Variants in RAG1 observed in about 807,000 individuals in gnomAD.
RAG1 encodes recombination activating 1.
RAG1 carries 35 observed loss-of-function variants against 62.7 expected under a neutral mutation model. The ratio of observed to expected loss-of-function variants is 0.56; its 90% CI spans 0.43 to 0.74. RAG1 has a LOEUF of 0.74. Among genes scored for constraint, RAG1 ranks in the 30% least tolerant of loss-of-function variants. RAG1 has a pLI of 0.00. For missense variants in RAG1, 1,169 were observed against 1,278.6 expected (o/e 0.91, Z 1.31); for synonymous variants, 461 against 470.3 (o/e 0.98, Z 0.26).
chr11:36,534,605 C>G (rs1248828444), intron 2 of RAG1, among the ~76,000 whole-genome samples: 2 of 152,164 alleles, frequency 1.3e-5, no homozygotes, highest in African/African-American at 4.8e-5. Context: ...GAAGGCCAAT[C>G]TAGAATCAAG....
chr11:36,559,157 G>A (rs926098754), intron 3 of RAG1, among the ~76,000 whole-genome samples: 3 of 152,012 alleles, frequency 2.0e-5, no homozygotes, highest in African/African-American at 7.2e-5. Context: ...TTAGCACTTT[G>A]ACTATATTAT....
intron 3 of RAG1, among the ~76,000 whole-genome samples, chr11:36,557,841 T>A (rs1173894174): frequency 6.6e-6 from 1 of 152,222 alleles, no homozygotes; most frequent in Non-Finnish European, 1.5e-5. Context: ...GCATTTTGTC[T>A]TTTTAATATG....
chr11:36,528,073 A>T (rs1860193013), intron 2 of RAG1, among the ~76,000 whole-genome samples: 1 of 152,116 alleles, frequency 6.6e-6, no homozygotes, highest in Non-Finnish European at 1.5e-5. Context: ...CACTGTCAAT[A>T]TTAGACAGAT....
intron 3 of RAG1, among the ~76,000 whole-genome samples, chr11:36,551,556 T>C (rs114789030): frequency 0.013 from 1,915 of 152,080 alleles, 34 homozygotes; most frequent in African/African-American, 0.044. Context: ...ACCAGTCATA[T>C]TGAATTAGGG....
At chr11:36,565,964 T>G (rs1564985906), upstream of RAG1, 1 of 152,360 alleles carries the variant, frequency 6.6e-6, no homozygotes, top group South Asian at 2.1e-4. Context: ...TTGTTATGTC[T>G]CATTTAAAAT....
upstream of RAG1, among the ~76,000 whole-genome samples, chr11:36,564,929 A>T (rs541518889): frequency 6.6e-6 from 1 of 152,110 alleles, no homozygotes; most frequent in Non-Finnish European, 1.5e-5. Flanking sequence ...AGTGTAGTGG[A>T]AAGAACGTTG....
rs759876731 is a variant in RAG1 at position 36,575,855 on chromosome 11, A to C, written c.2551A>C (p.Arg851=). Residue 851 remains arginine (R), a synonymous_variant, in exon 2 of 2, where the codon AGG becomes CGG. Transcript: ENST00000299440. The surrounding 1 kb of genome is among the most constrained non-coding windows in gnomAD (Gnocchi z 4.1). ...GAAGATGAACCTCAAACCAATCATG[A>C]GGATGAATGGCAACTTTGCCAGGAA... ...RKKMNLKPIM[R]MNGNFARKLM... The C allele has an allele frequency of 1.5e-5, 25 of 1,614,230 alleles. 1 individual carries two copies. The highest frequency in any genetic ancestry group is 3.3e-4 in the Middle Eastern group (2 of 6,062).
intron 3 of RAG1, among the ~76,000 whole-genome samples, chr11:36,548,983 T>A (rs71451204): frequency 6.6e-6 from 1 of 152,110 alleles, no homozygotes; most frequent in African/African-American, 2.4e-5. Context: ...TCTGCAACCA[T>A]CTGATCTTTG....
At chr11:36,510,404 G>T (rs1859899638), upstream of RAG1, 1 of 152,594 alleles carries the variant, frequency 6.6e-6, no homozygotes, top group African/African-American at 2.4e-5. Flanking sequence ...CAGCCCCGCA[G>T]CCTGGCTTTC....
At chr11:36,567,675 A>T (rs951121791), upstream of RAG1, among the ~76,000 whole-genome samples, 1 of 152,250 alleles carries the variant, frequency 6.6e-6, no homozygotes, top group African/African-American at 2.4e-5. Flanking sequence ...TCTTTGAGGT[A>T]TATACTACTA....
At chr11:36,513,751 G>A (rs533136158) in intron 1 of RAG1, among the ~76,000 whole-genome samples, 33 of 152,364 alleles carry the variant, frequency 2.2e-4, no homozygotes, top group Middle Eastern at 3.4e-3. Context: ...AGACAAGAGA[G>A]AGAATGAGAT....
chr11:36,520,392 C>T (rs1033092739), intron 2 of RAG1, among the ~76,000 whole-genome samples: 25 of 152,152 alleles, frequency 1.6e-4, no homozygotes, highest in African/African-American at 5.8e-4. Flanking sequence ...TCTCAGCCTC[C>T]CGAGTAGCTG....
At position 36,575,313 on chromosome 11, in the gene RAG1, C is replaced by T. The variant is rs139863630; in HGVS notation, c.2009C>T (p.Thr670Met). Residue 670 changes from threonine to methionine, a missense_variant, in exon 2 of 2, where the codon ACG (threonine) becomes ATG (methionine). By Grantham distance (81) the Thr-to-Met change is moderately conservative (BLOSUM62 -1). Transcript: ENST00000299440. The surrounding 1 kb of genome is among the most constrained non-coding windows in gnomAD (Gnocchi z 4.1). ...CTGGCAGATGAGTCTGACCACGAGA[C>T]GCTGACTGCCATCCTGAGTCCTCTC... ...LMLADESDHETLTAILSPLIA... is the reference protein window; with the variant it reads ...LMLADESDHEMLTAILSPLIA... The T allele has an allele frequency of 4.2e-5, 67 of 1,614,070 alleles. No individual in the cohort carries two copies. Among genetic ancestry groups the T allele is most frequent in the East Asian group, 2.0e-4 (9 of 44,890 alleles).
At position 36,578,572 on chromosome 11, in the gene RAG1, T is replaced by C. The variant is rs1436187678; in HGVS notation, c.*2136T>C. On this transcript the variant is annotated 3_prime_UTR_variant, in exon 2 of 2. Coordinates refer to ENST00000299440, the MANE Select transcript of RAG1 (RefSeq NM_000448.3). ...TCTATTGGTGGCACTGTAAATACTTTCCAGTATTAAATTATCCTTTTCTAA... is the reference window on the plus strand; with the variant it reads ...TCTATTGGTGGCACTGTAAATACTTCCCAGTATTAAATTATCCTTTTCTAA... 1.2e-5 allele frequency: 2 copies of C among 166,930 alleles called. No individual in the cohort carries two copies. Among genetic ancestry groups the C allele is most frequent in the East Asian group, 1.9e-4 (1 of 5,196 alleles). 10.3% of individuals were successfully genotyped at this position (166,930 alleles called of 1,614,324 possible). A position where few individuals can be genotyped will look rare whatever the true frequency, so the allele number is the denominator to read the frequency against.
rs1041217455 is a variant in RAG1 at position 36,578,698 on chromosome 11, G to A, written c.*2262G>A. On this transcript the variant is annotated 3_prime_UTR_variant, in exon 2 of 2. Transcript: ENST00000299440. ...CAGATCACATTTTGATAAACCCTGGGAACATCTGGCTGCAGGAATTTCAAT... is the reference window on the plus strand; with the variant it reads ...CAGATCACATTTTGATAAACCCTGGAAACATCTGGCTGCAGGAATTTCAAT... The A allele has an allele frequency of 6.0e-6, 1 of 167,022 alleles. No individual in the cohort carries two copies. The highest frequency in any genetic ancestry group is 6.5e-5 in the Admixed American group (1 of 15,284). The allele number at this position is 167,022 out of a possible 1,614,324, so 10.3% of individuals were successfully genotyped here.
downstream of RAG1, among the ~76,000 whole-genome samples, chr11:36,536,638 G>A (rs200148259): frequency 1.1e-5 from 1 of 90,200 alleles, no homozygotes; most frequent in Non-Finnish European, 2.4e-5. Context: ...AGACAAATAA[G>A]AAGAAAAATA....
chr11:36,532,134 A>C (rs1292611863), intron 2 of RAG1, among the ~76,000 whole-genome samples: 2 of 151,940 alleles, frequency 1.3e-5, no homozygotes, highest in African/African-American at 4.8e-5. Context: ...CTCCTTTTGA[A>C]TTTTCTTTCA....
chr11:36,512,569 A>G (rs1317323193), intron 1 of RAG1, among the ~76,000 whole-genome samples: 1 of 152,206 alleles, frequency 6.6e-6, no homozygotes, highest in East Asian at 1.9e-4. Flanking sequence ...GTCCTTATCT[A>G]TAGAGTTGTA....
Position 36,575,557 on chromosome 11 carries a change from A to G in RAG1, c.2253A>G (p.Arg751=), listed in dbSNP as rs1261496777. Residue 751 remains arginine, a synonymous_variant, in exon 2 of 2, where the codon AGA becomes AGG. Coordinates refer to ENST00000299440, the MANE Select transcript of RAG1 (RefSeq NM_000448.3). This position sits in a 1 kb window ranked among gnomAD's most constrained non-coding sequence, Gnocchi z 4.1. ...SQNLVFHSIT[R]SHAENLERYE... ...ATCTTGTCTTCCACTCTATAACCAG[A>G]AGCCATGCTGAGAACCTGGAACGTT... 1 of 1,614,180 alleles carries G rather than the reference A, an allele frequency of 6.2e-7. No homozygotes were observed. The highest frequency in any genetic ancestry group is 1.7e-5 in the Admixed American group (1 of 60,024).
Sources: allele counts gnomAD v4.1 joint callset (sites outside exome capture counted in the v4.1 genomes callset), GRCh38; gene constraint gnomAD v4.1.1; non-coding constraint Gnocchi (gnomAD v3.1); transcripts MANE v1.5; gene names NCBI Gene and HGNC (gene_info 2026-07-23, HGNC 2026-07-21).